The following C1orf35 variants were observed in gnomAD, a reference collection of about 807,000 sequenced individuals.
The protein encoded by C1orf35 is multiple myeloma tumor-associated protein 2.
A neutral mutation model predicts 30.9 loss-of-function variants in C1orf35; 36 were observed. The ratio of observed to expected loss-of-function variants is 1.16; its 90% CI spans 0.89 to 1.54. C1orf35 has a LOEUF of 1.54. Among genes scored for constraint, C1orf35 ranks in the 40% most tolerant of loss-of-function variants. C1orf35 has a pLI of 0.00. For missense variants in C1orf35, 396 were observed against 358.7 expected, an observed-to-expected ratio of 1.10 and a Z score of -0.84; for synonymous variants, 179 against 148.2, an observed-to-expected ratio of 1.21 and a Z score of -1.51.
rs1442414514 is a variant in C1orf35, at chr1:228,103,230, C to G, written c.-3G>C. 5.6e-6 allele frequency: 9 copies of G among 1,609,148 alleles called. No individual in the cohort carries two copies. Among genetic ancestry groups the G allele is most frequent in the Non-Finnish European group, 5.9e-6 (7 of 1,178,710 alleles). ...CCTCCACGACTGGAGCCGAACATGG[C>G]GCCGGGAAGGCAGTTGCCTGGGGCC... is the stretch of plus-strand genomic sequence containing the variant. On this transcript the variant is annotated 5_prime_UTR_variant, in exon 1 of 8. Coordinates refer to ENST00000272139, the MANE Select transcript of C1orf35 (RefSeq NM_024319.4).
rs558022354 is a variant in C1orf35, at chr1:228,102,640, T to C, written c.291+3A>G. 1.1e-5 allele frequency: 18 copies of C among 1,604,182 alleles called. No individual in the cohort carries two copies. Among genetic ancestry groups the C allele is most frequent in the African/African-American group, 2.7e-5 (2 of 74,880 alleles). On this transcript the variant is annotated splice_donor_region_variant and intron_variant, in intron 3 of 7. Transcript: ENST00000272139. ...CCACGCGCCCCCCACCCCGGGGAGT[T>C]ACCTCCTTGCTCAGGCCCGTGGGCT... is the stretch of plus-strand genomic sequence containing the variant.
Position 228,102,115 on chromosome 1 carries a change from C to T in C1orf35, c.498G>A (p.Arg166=), listed in dbSNP as rs934029212. ...GGPGTSAASA[R]RKPRAEDQTE... ...TCTGATCCTCCGCCCGCGGCTTCCT[C>T]CTGGCCGAGGCTGCCGAGGTCCCGG... is the stretch of plus-strand genomic sequence containing the variant. Residue 166 remains arginine (R), a synonymous_variant, in exon 6 of 8, where the codon AGG becomes AGA. Coordinates refer to ENST00000272139, the MANE Select transcript of C1orf35 (RefSeq NM_024319.4). The T allele has an allele frequency of 1.1e-5, 18 of 1,582,208 alleles. No homozygotes were observed. The highest frequency in any genetic ancestry group is 1.5e-5 in the Non-Finnish European group (18 of 1,172,070).
intron 2 of C1orf35, 55 bp from the exon 3 acceptor site, chr1:228,102,743 T>C: frequency 6.4e-7 from 1 of 1,557,814 alleles, no homozygotes; most frequent in Non-Finnish European, 8.7e-7. Flanking sequence ...CCACCACAGG[T>C]CCTCACCACT....
chr1:228,102,404 G>A (rs770016363), intron 4 of C1orf35, 22 bp from the exon 5 acceptor site: 9 of 1,606,180 alleles, frequency 5.6e-6, no homozygotes, highest in Non-Finnish European at 7.6e-6. Context: ...TGGCGATGAA[G>A]ACAGTACGGC....
chr1:228,102,239 C>G lies in C1orf35; in HGVS notation c.447+71G>C, dbSNP rs1209891454. ...CCACGCCCCGCAGCGCCCCGGGGAG[C>G]TCCGTTCAGTGCCCCCGCCCCGCCC... On this transcript the variant is annotated intron_variant, in intron 5 of 7. Transcript: ENST00000272139. The G allele has an allele frequency of 4.4e-6, 7 of 1,574,820 alleles. No individual in the cohort carries two copies. The Admixed American group carries it at 1.3e-4, about 28-fold the overall frequency.
intron 5 of C1orf35, 53 bp downstream of exon 5, chr1:228,102,257 C>T (rs2032988344): frequency 6.3e-7 from 1 of 1,590,766 alleles, no homozygotes; most frequent in Non-Finnish European, 8.5e-7. Context: ...AGTGCCCCCG[C>T]CCCGCCCCAC....
chr1:228,101,168 G>T lies in C1orf35; in HGVS notation c.755C>A (p.Pro252Gln). 6.2e-7 allele frequency: 1 copy of T among 1,614,026 alleles called. No homozygotes were observed. Among genetic ancestry groups the T allele is most frequent in the Non-Finnish European group, 8.5e-7 (1 of 1,180,038 alleles). Reference protein sequence around the residue: ...KRGHSGDRRSPSRRWHDRGSE... With the variant: ...KRGHSGDRRSQSRRWHDRGSE... ...GCCTCTGTCATGCCACCTGCGAGAC[G>T]GGCTCCTCCTGTCCCCACTGTGTCC... Residue 252 changes from proline (P) to glutamine (Q), a missense_variant, in exon 8 of 8, where the codon CCG becomes CAG. Coordinates refer to ENST00000272139, the MANE Select transcript of C1orf35 (RefSeq NM_024319.4).
Position 228,103,272 on chromosome 1 carries a change from C to T in C1orf35, c.-45G>A, listed in dbSNP as rs2033026531. 1.3e-6 allele frequency: 2 copies of T among 1,593,432 alleles called. No individual in the cohort carries two copies. The highest frequency in any genetic ancestry group is 1.7e-5 in the Admixed American group (1 of 58,086). ...CCTGGGGCCTGCGGCTTGCAACCTGCAACCCGCAACCCGAGACCCGCTACC... is the reference window on the plus strand; with the variant it reads ...CCTGGGGCCTGCGGCTTGCAACCTGTAACCCGCAACCCGAGACCCGCTACC... On this transcript the variant is annotated 5_prime_UTR_variant, in exon 1 of 8. Coordinates refer to ENST00000272139, the MANE Select transcript of C1orf35 (RefSeq NM_024319.4).
In C1orf35 at chr1:228,103,000, G is replaced by A; in HGVS notation, c.144C>T (p.Leu48=). 6.4e-7 allele frequency: 1 copy of A among 1,562,064 alleles called. No homozygotes were observed. Among genetic ancestry groups the A allele is most frequent in the Non-Finnish European group, 8.6e-7 (1 of 1,158,114 alleles). Residue 48 remains leucine, a synonymous_variant, in exon 2 of 8, where the codon CTC becomes CTT. Coordinates refer to ENST00000272139, the MANE Select transcript of C1orf35 (RefSeq NM_024319.4). The part of the protein sequence containing the change: ...PVGRWQKGRD[L]TWYAKGRAPC... ...GCGCCCGGCCCTTGGCGTACCAGGT[G>A]AGGTCGCGGCCCTTCTGCCAGCGGC...
In C1orf35 at chr1:228,102,697, G is replaced by A. The variant is rs189181759; in HGVS notation, c.246-9C>T. ...TCACGTTCTTGTAGCCACTGCGAGA[G>A]GGCCGGGGCAGGCGTCAGGACGGAC... On this transcript the variant is annotated splice_polypyrimidine_tract_variant and intron_variant, in intron 2 of 7. Transcript: ENST00000272139. The A allele has an allele frequency of 6.9e-6, 11 of 1,604,922 alleles. No individual in the cohort carries two copies. The highest frequency in any genetic ancestry group is 6.6e-5 in the South Asian group (6 of 90,520).
intron 3 of C1orf35, 30 bp downstream of exon 3, chr1:228,102,613 C>T: frequency 6.3e-7 from 1 of 1,590,898 alleles, no homozygotes; most frequent in South Asian, 1.1e-5. Flanking sequence ...ACCCACGGCC[C>T]TCCACGCGCC....
Position 228,102,365 on chromosome 1 carries a change from A to T in C1orf35, c.392T>A (p.Val131Glu), listed in dbSNP as rs1300384055. 1 of 1,610,998 alleles carries T rather than the reference A, an allele frequency of 6.2e-7. No individual in the cohort carries two copies. The highest frequency in any genetic ancestry group is 1.7e-5 in the Admixed American group (1 of 59,964). ...CTCCTTGTCCTCTCGGGACATCGCCACGCGGCCCACGGAGCCACTGCAGGG... is the reference window on the plus strand; with the variant it reads ...CTCCTTGTCCTCTCGGGACATCGCCTCGCGGCCCACGGAGCCACTGCAGGG... ...LGSASGSVGR[V>E]AMSREDKEAA... Residue 131 changes from valine to glutamate, a missense_variant, in exon 5 of 8, where the codon GTG becomes GAG. By Grantham distance (121) the Val-to-Glu change is moderately radical. Transcript: ENST00000272139.
intron 2 of C1orf35, 97 bp downstream of exon 2, chr1:228,102,802 C>CA: frequency 7.3e-7 from 1 of 1,368,956 alleles, no homozygotes; most frequent in Non-Finnish European, 9.6e-7. Flanking sequence ...CGCAGCCCCG[C>CA]TCCCGCCCAG....
Position 228,101,044 on chromosome 1 carries a change from C to A in C1orf35, c.*87G>T. On this transcript the variant is annotated 3_prime_UTR_variant, in exon 8 of 8. Coordinates refer to ENST00000272139, the MANE Select transcript of C1orf35 (RefSeq NM_024319.4). ...CACAGGAGCAGCCTCGGGCTTCACC[C>A]ACACCCAAGGAGCTTCCGAGGCAGG... 6.4e-7 allele frequency: 1 copy of A among 1,573,346 alleles called. No homozygotes were observed. Among genetic ancestry groups the A allele is most frequent in the South Asian group, 1.1e-5 (1 of 88,832 alleles).
In C1orf35 at chr1:228,101,167, C is replaced by T. The variant is rs750496770; in HGVS notation, c.756G>A (p.Pro252=). 25 of 1,614,074 alleles carry T rather than the reference C, an allele frequency of 1.5e-5. No individual in the cohort carries two copies. In the Admixed American group the frequency reaches 2.3e-4, roughly 15 times the overall value. The change falls in exon 8 of 8, where the codon CCG becomes CCA. Residue 252 remains proline (P), a synonymous_variant. Coordinates refer to ENST00000272139, the MANE Select transcript of C1orf35 (RefSeq NM_024319.4). ...KRGHSGDRRS[P]SRRWHDRGSE... is the part of the protein sequence containing the mutation. ...AGCCTCTGTCATGCCACCTGCGAGA[C>T]GGGCTCCTCCTGTCCCCACTGTGTC...
rs1445074232 is a variant in C1orf35 at position 228,102,495 on chromosome 1, C to G, written c.357G>C (p.Leu119=). Reference sequence around the variant, plus strand: ...GCCCGCACCTTGCGCTCCCCAGCCCCAGCAGCCGGTCCACGCCCTTCTCCT... The same window carrying G: ...GCCCGCACCTTGCGCTCCCCAGCCCGAGCAGCCGGTCCACGCCCTTCTCCT... ...DPEEKGVDRL[L]GLGSASGSVG... Residue 119 remains leucine, a synonymous_variant, in exon 4 of 8, where the codon CTG becomes CTC. Transcript: ENST00000272139. 13 of 1,558,828 alleles carry G rather than the reference C, an allele frequency of 8.3e-6. No homozygotes were observed. Among genetic ancestry groups the G allele is most frequent in the Non-Finnish European group, 9.5e-6 (11 of 1,155,524 alleles).
chr1:228,100,941 A>C lies in C1orf35; in HGVS notation c.*190T>G. 1.2e-6 allele frequency: 1 copy of C among 824,154 alleles called. No homozygotes were observed. The highest frequency in any genetic ancestry group is 2.9e-5 in the Admixed American group (1 of 34,678). The allele number at this position is 824,154 out of a possible 1,614,324, so 51.1% of individuals were successfully genotyped here. A position where few individuals can be genotyped will look rare whatever the true frequency, so the allele number is the denominator to read the frequency against. ...GCCATCCCTGGTATGCGAAACCTGG[A>C]GGTTTTCCAGGAAGCCGGCTGCTCC... is the stretch of plus-strand genomic sequence containing the variant. On this transcript the variant is annotated 3_prime_UTR_variant, in exon 8 of 8. Transcript: ENST00000272139.
At chr1:228,101,760 G>A in intron 6 of C1orf35, 2 of 1,412,196 alleles carry the variant, frequency 1.4e-6, no homozygotes, top group Non-Finnish European at 1.8e-6. Context: ...CACTCTTAGG[G>A]TCAGGCCCAG....
rs1466317630 is a variant in C1orf35, at chr1:228,102,677, T to C, written c.257A>G (p.Asn86Ser). The C allele has an allele frequency of 6.2e-7, 1 of 1,609,012 alleles. No individual in the cohort carries two copies. The highest frequency in any genetic ancestry group is 1.7e-4 in the Middle Eastern group (1 of 5,734). ...EALLAALGYK[N>S]VKKQPTGLSK... ...CAGGCCCGTGGGCTGCTTCTTCACG[T>C]TCTTGTAGCCACTGCGAGAGGGCCG... is the stretch of plus-strand genomic sequence containing the variant. Residue 86 changes from asparagine to serine, a missense_variant, in exon 3 of 8, where the codon AAC becomes AGC. Coordinates refer to ENST00000272139, the MANE Select transcript of C1orf35 (RefSeq NM_024319.4).
Sources: allele counts gnomAD v4.1 joint callset, GRCh38; gene constraint gnomAD v4.1.1; transcripts MANE v1.5; gene names NCBI Gene and HGNC (gene_info 2026-07-23, HGNC 2026-07-21).